The following IQSEC1 variants were observed in gnomAD, a reference collection of about 807,000 sequenced individuals.
IQSEC1 encodes IQ motif and Sec7 domain ArfGEF 1.
A neutral mutation model predicts 91.0 loss-of-function variants in IQSEC1; 31 were observed. That is an observed-to-expected ratio of 0.34 (90% confidence interval 0.26 to 0.46). The LOEUF (loss-of-function observed/expected upper bound fraction) is 0.46, where lower values mean the gene tolerates loss of function less well. Ranked by LOEUF, IQSEC1 falls within the 20% of genes least tolerant of loss-of-function variation. The pLI, the probability that IQSEC1 is intolerant of heterozygous loss-of-function variation, is 1.00. For synonymous variants in IQSEC1, 699 were observed against 662.6 expected, an observed-to-expected ratio of 1.05 and a Z score of -0.84; for missense variants, 1,388 against 1,575.6, an observed-to-expected ratio of 0.88 and a Z score of 2.02.
At chr3:12,933,569 G>T (rs1360266489) in intron 3 of IQSEC1, among the ~76,000 whole-genome samples, 1 of 152,226 alleles carries the variant, frequency 6.6e-6, no homozygotes, top group Non-Finnish European at 1.5e-5. Context: ...CACCGCCCTG[G>T]GAGGAGGGTG....
intron 1 of IQSEC1, among the ~76,000 whole-genome samples, chr3:12,986,686 C>T (rs377487239): frequency 1.0e-3 from 154 of 152,306 alleles, no homozygotes; most frequent in African/African-American, 3.5e-3. Flanking sequence ...AGGGGGCAGG[C>T]TAACGGCTGG....
chr3:13,077,667 C>T (rs73813161), upstream of IQSEC1, among the ~76,000 whole-genome samples: 2,144 of 152,312 alleles, frequency 0.014, 43 homozygotes, highest in African/African-American at 0.048. Context: ...ACATCTCTGC[C>T]CAGCCCCACC....
At chr3:13,052,498 C>T (rs368421451) in intron 1 of IQSEC1, among the ~76,000 whole-genome samples, 12 of 152,218 alleles carry the variant, frequency 7.9e-5, no homozygotes, top group East Asian at 3.8e-4. Context: ...CTAGGACTGC[C>T]GCAAGTGTTC....
intron 1 of IQSEC1, among the ~76,000 whole-genome samples, chr3:13,243,318 C>G (rs1695051596): frequency 6.6e-6 from 1 of 152,156 alleles, no homozygotes; most frequent in Non-Finnish European, 1.5e-5. Flanking sequence ...AAACAAGACC[C>G]TGTGTGTCCA....
chr3:13,248,661 G>T (rs1266050515), intron 1 of IQSEC1, among the ~76,000 whole-genome samples: 1 of 152,238 alleles, frequency 6.6e-6, no homozygotes, highest in Non-Finnish European at 1.5e-5. Context: ...TCATGTGAAG[G>T]TTAAATAAAG....
intron 5 of IQSEC1, among the ~76,000 whole-genome samples, chr3:12,920,822 GACT>G (rs1403444937): frequency 6.6e-6 from 1 of 152,146 alleles, no homozygotes; most frequent in Non-Finnish European, 1.5e-5. Context: ...TCCTGGGGAG[GACT>G]ACATTTCCCA....
At chr3:13,278,047 C>T (rs975458566) in intron 1 of IQSEC1, among the ~76,000 whole-genome samples, 3 of 152,192 alleles carry the variant, frequency 2.0e-5, no homozygotes, top group East Asian at 1.9e-4. Flanking sequence ...TCTGAACTGA[C>T]GTGCCGCCGT....
Position 12,915,640 on chromosome 3 carries a change from A to G in IQSEC1, c.2114T>C (p.Val705Ala). ...KRELKTNEDH[V>A]SQVQKVEKLI... is the part of the protein sequence containing the mutation. Reference sequence around the variant, plus strand: ...CTTCTCCACCTTCTGCACCTGGGACACATGGTCCTCATTGGTCTTTAGCTC... The same window carrying G: ...CTTCTCCACCTTCTGCACCTGGGACGCATGGTCCTCATTGGTCTTTAGCTC... Residue 705 changes from valine to alanine, a missense_variant, in exon 7 of 14, where the codon GTG becomes GCG. This residue lies in a region of IQSEC1 where 1,059 missense variants were observed against 1,317.8 expected (regional missense o/e 0.80). Transcript: ENST00000613206. 6.2e-7 allele frequency: 1 copy of G among 1,614,172 alleles called. No homozygotes were observed.
At chr3:13,262,781 A>G (rs1695411439) in intron 1 of IQSEC1, among the ~76,000 whole-genome samples, 1 of 152,280 alleles carries the variant, frequency 6.6e-6, no homozygotes, top group Admixed American at 6.5e-5. Flanking sequence ...AACTTGGAGG[A>G]CATTGTGCTG....
At chr3:13,127,773 G>A (rs1019307452) in intron 2 of IQSEC1, among the ~76,000 whole-genome samples, 9 of 152,098 alleles carry the variant, frequency 5.9e-5, no homozygotes, top group Admixed American at 3.3e-4. Flanking sequence ...TCCGATCCAC[G>A]AACATGGTAT....
In IQSEC1 at chr3:13,214,682, C is replaced by T. The variant is rs549460209; in HGVS notation, c.273-50549G>A. ...GTGCCATCAAGGGGCCACTGTGGCACACGAGCTGGTGTCCGGTGGAGCACG... is the reference window on the plus strand; with the variant it reads ...GTGCCATCAAGGGGCCACTGTGGCATACGAGCTGGTGTCCGGTGGAGCACG... On this transcript the variant is annotated intron_variant, in intron 1 of 15. Transcript: ENST00000648114. The surrounding 1 kb of genome is among the most constrained non-coding windows in gnomAD (Gnocchi z 4.5). Among the ~76,000 whole-genome samples the T allele has an allele frequency of 6.6e-6, 1 of 152,366 alleles. No individual in the cohort carries two copies.
chr3:13,216,884 C>T (rs976897461), intron 1 of IQSEC1, among the ~76,000 whole-genome samples: 1 of 152,150 alleles, frequency 6.6e-6, no homozygotes, highest in Non-Finnish European at 1.5e-5. Context: ...CGCTTTCTCC[C>T]GATGAGTTTA....
intron 12 of IQSEC1, among the ~76,000 whole-genome samples, chr3:12,906,344 C>T (rs573651277): frequency 2.0e-5 from 3 of 152,312 alleles, no homozygotes; most frequent in East Asian, 1.9e-4. Flanking sequence ...TTGCAGCCCC[C>T]ATCTGGTCCA....
At chr3:13,163,064 A>G (rs1359527846) in intron 2 of IQSEC1, among the ~76,000 whole-genome samples, 1 of 151,474 alleles carries the variant, frequency 6.6e-6, no homozygotes, top group Admixed American at 6.6e-5. Context: ...CCTGCCTCTC[A>G]CTCCCTGGAC....
chr3:13,101,486 G>A (rs1440984888), intron 2 of IQSEC1, among the ~76,000 whole-genome samples: 1 of 151,844 alleles, frequency 6.6e-6, no homozygotes, highest in African/African-American at 2.4e-5. Context: ...AAACAAGGAG[G>A]TCTGGGAAGG....
At chr3:13,179,877 C>A (rs928196029) in intron 1 of IQSEC1, among the ~76,000 whole-genome samples, 1 of 152,248 alleles carries the variant, frequency 6.6e-6, no homozygotes, top group African/African-American at 2.4e-5. Context: ...CAGCCCCGGG[C>A]AGTGAGGGGT....
At chr3:13,013,133 G>A (rs543530009) in intron 1 of IQSEC1, among the ~76,000 whole-genome samples, 142 of 152,124 alleles carry the variant, frequency 9.3e-4, no homozygotes, top group African/African-American at 3.3e-3. Context: ...GCTAATTTTT[G>A]TATTTTTAGT....
At chr3:13,147,751 G>C (rs1706921841) in intron 2 of IQSEC1, among the ~76,000 whole-genome samples, 1 of 152,206 alleles carries the variant, frequency 6.6e-6, no homozygotes, top group African/African-American at 2.4e-5. Flanking sequence ...TCCTGCCTCA[G>C]CCTCCCAAGT....
At chr3:13,147,825 G>A (rs982845745) in intron 2 of IQSEC1, among the ~76,000 whole-genome samples, 1 of 152,200 alleles carries the variant, frequency 6.6e-6, no homozygotes, top group African/African-American at 2.4e-5. Flanking sequence ...TAGAGATGAG[G>A]TTTCACCATG....
Sources: gnomAD v4.1 joint callset for allele counts (sites outside exome capture counted in the v4.1 genomes callset) on GRCh38, gnomAD v4.1.1 for gene constraint, gnomAD v4.1.1 regional missense constraint, Gnocchi (gnomAD v3.1) non-coding constraint, MANE v1.5 for transcripts, NCBI Gene and HGNC (gene_info 2026-07-23, HGNC 2026-07-21) for gene names.